ADAMTS3: variants seen among roughly 807,000 people sequenced by gnomAD.
The protein encoded by ADAMTS3 is ADAM metallopeptidase with thrombospondin type 1 motif 3.
ADAMTS3 carries 73 observed loss-of-function variants against 129.0 expected under a neutral mutation model. That is an observed-to-expected ratio of 0.57 (90% CI 0.47 to 0.69). ADAMTS3 has a LOEUF of 0.69. Among genes scored for constraint, ADAMTS3 ranks in the 30% least tolerant of loss-of-function variants. The pLI, the probability that ADAMTS3 is intolerant of heterozygous loss-of-function variation, is 0.00. For missense variants in ADAMTS3, 1,457 were observed against 1,514.5 expected, an observed-to-expected ratio of 0.96 and a Z score of 0.63; for synonymous variants, 477 against 510.8, an observed-to-expected ratio of 0.93 and a Z score of 0.89.
intron 3 of ADAMTS3, among the ~76,000 whole-genome samples, chr4:72,466,345 T>C (rs893081777): frequency 2.0e-5 from 3 of 152,056 alleles, no homozygotes; most frequent in African/African-American, 7.2e-5. Flanking sequence ...GTTTGGATTG[T>C]ATTCTTGAAT....
intron 3 of ADAMTS3, among the ~76,000 whole-genome samples, chr4:72,459,121 C>T (rs1347919971): frequency 6.6e-6 from 1 of 151,466 alleles, no homozygotes; most frequent in Admixed American, 6.6e-5. Context: ...ATGTTTGGGG[C>T]CATAATCAAG....
In ADAMTS3 at chr4:72,315,841, T is replaced by A; in HGVS notation, c.1599+17A>T. On this transcript the variant is annotated intron_variant, in intron 11 of 21. Transcript: ENST00000286657. ...CAACATATCTTACATATTTATTGTGTAAATAGATATACTCACTTTTCCAGC... is the reference window on the plus strand; with the variant it reads ...CAACATATCTTACATATTTATTGTGAAAATAGATATACTCACTTTTCCAGC... 6.8e-7 allele frequency: 1 copy of A among 1,465,732 alleles called. No individual in the cohort carries two copies. Among genetic ancestry groups the A allele is most frequent in the Non-Finnish European group, 9.5e-7 (1 of 1,050,530 alleles). 90.8% of individuals were successfully genotyped at this position (1,465,732 alleles called of 1,614,324 possible). A position where few individuals can be genotyped will look rare whatever the true frequency, so the allele number is the denominator to read the frequency against.
chr4:72,290,870 T>C lies in ADAMTS3; in HGVS notation c.2916A>G (p.Thr972=). Reference sequence around the variant, plus strand: ...ACACACCTACCTCACTCCAGGGTCCTGTTTTCCACTGTGCAGGGCAGGGCA... The same window carrying C: ...ACACACCTACCTCACTCCAGGGTCCCGTTTTCCACTGTGCAGGGCAGGGCA... ...NRVPCPAQWK[T]GPWSECSVTC... The change falls in exon 20 of 22, where the codon ACA becomes ACG. Residue 972 remains threonine, a synonymous_variant. Coordinates refer to ENST00000286657, the MANE Select transcript of ADAMTS3 (RefSeq NM_014243.3). 6.2e-7 allele frequency: 1 copy of C among 1,613,934 alleles called. No homozygotes were observed. Among genetic ancestry groups the C allele is most frequent in the South Asian group, 1.1e-5 (1 of 91,078 alleles).
intron 19 of ADAMTS3, among the ~76,000 whole-genome samples, chr4:72,292,278 C>T (rs773480049): frequency 5.3e-5 from 8 of 152,124 alleles, no homozygotes; most frequent in African/African-American, 1.7e-4. Context: ...CTGGGTTGGA[C>T]GAGGGCACAT....
At chr4:72,505,459 A>G (rs907946400) in intron 3 of ADAMTS3, among the ~76,000 whole-genome samples, 1 of 152,194 alleles carries the variant, frequency 6.6e-6, no homozygotes, top group Non-Finnish European at 1.5e-5. Context: ...GGCAGGGTAT[A>G]TGCTTGATCC....
At chr4:72,320,243 A>C (rs1719517568) in intron 7 of ADAMTS3, among the ~76,000 whole-genome samples, 1 of 152,172 alleles carries the variant, frequency 6.6e-6, no homozygotes, top group African/African-American at 2.4e-5. Flanking sequence ...TTTCTGTTTT[A>C]GTAAATGGTC....
intron 20 of ADAMTS3, 56 bp downstream of exon 20, chr4:72,290,799 C>T: frequency 6.4e-7 from 1 of 1,552,966 alleles, no homozygotes; most frequent in South Asian, 1.1e-5. Context: ...ATTAAAATAT[C>T]TACACATGCT....
At chr4:72,453,991 A>AT (rs36114335) in intron 3 of ADAMTS3, among the ~76,000 whole-genome samples, 93,697 of 150,364 alleles carry the variant, frequency 0.62, 29,849 homozygotes, top group South Asian at 0.8. Context: ...AACTGGATAG[A>AT]TTTTGACTGT....
At chr4:72,428,995 C>G (rs752195499) in intron 3 of ADAMTS3, among the ~76,000 whole-genome samples, 16 of 152,006 alleles carry the variant, frequency 1.1e-4, no homozygotes, top group Non-Finnish European at 2.2e-4. Context: ...AGGTCCCAAC[C>G]TCAGAGACTT....
At chr4:72,417,802 A>G (rs1282882108) in intron 3 of ADAMTS3, among the ~76,000 whole-genome samples, 1 of 151,468 alleles carries the variant, frequency 6.6e-6, no homozygotes, top group African/African-American at 2.4e-5. Flanking sequence ...GCGTGGTGGC[A>G]GGCGCCTGTA....
chr4:72,408,226 C>A (rs528814065), intron 4 of ADAMTS3, among the ~76,000 whole-genome samples: 2 of 151,986 alleles, frequency 1.3e-5, no homozygotes, highest in African/African-American at 4.8e-5. Flanking sequence ...CCCACATTTT[C>A]TTTTTCTTTA....
intron 4 of ADAMTS3, among the ~76,000 whole-genome samples, chr4:72,396,759 A>G (rs978573488): frequency 4.6e-5 from 7 of 152,178 alleles, no homozygotes; most frequent in Non-Finnish European, 1.0e-4. Flanking sequence ...GGATTTACAA[A>G]AGTACTAAGT....
chr4:72,446,842 A>G (rs910770059), intron 3 of ADAMTS3, among the ~76,000 whole-genome samples: 2 of 151,630 alleles, frequency 1.3e-5, no homozygotes, highest in Non-Finnish European at 1.5e-5. Flanking sequence ...TCCCTTCTCT[A>G]GTTTGGCTGA....
At chr4:72,405,342 T>A (rs554123304) in intron 4 of ADAMTS3, among the ~76,000 whole-genome samples, 1 of 152,088 alleles carries the variant, frequency 6.6e-6, no homozygotes, top group Non-Finnish European at 1.5e-5. Flanking sequence ...TATATATACA[T>A]GGAATATTAT....
intron 3 of ADAMTS3, among the ~76,000 whole-genome samples, chr4:72,433,088 CT>C (rs1202574055): frequency 1.3e-5 from 2 of 151,984 alleles, no homozygotes; most frequent in East Asian, 3.9e-4. Flanking sequence ...AATATGCTGA[CT>C]TTTTTTCCCG....
intron 3 of ADAMTS3, among the ~76,000 whole-genome samples, chr4:72,466,885 T>G (rs981637166): frequency 6.6e-6 from 1 of 152,080 alleles, no homozygotes; most frequent in Non-Finnish European, 1.5e-5. Context: ...GTTCCAGCTA[T>G]GCGGTCTTAG....
intron 6 of ADAMTS3, 74 bp from the exon 7 acceptor site, chr4:72,320,944 C>T (rs1719538154): frequency 2.7e-6 from 4 of 1,464,834 alleles, no homozygotes; most frequent in East Asian, 4.6e-5. Context: ...TCCTCTGAAG[C>T]TGAATTTGGG....
intron 3 of ADAMTS3, among the ~76,000 whole-genome samples, chr4:72,459,715 A>G (rs1332715970): frequency 2.6e-5 from 4 of 151,590 alleles, no homozygotes; most frequent in African/African-American, 9.7e-5. Context: ...TAACCAGGGA[A>G]AGGTTTGAGT....
intron 18 of ADAMTS3, among the ~76,000 whole-genome samples, chr4:72,296,135 C>T (rs1718801357): frequency 6.6e-6 from 1 of 151,882 alleles, no homozygotes; most frequent in Admixed American, 6.6e-5. Flanking sequence ...CAGTAGAGGG[C>T]ACCAAAGGAA....
Sources: allele counts gnomAD v4.1 joint callset (sites outside exome capture counted in the v4.1 genomes callset), GRCh38; gene constraint gnomAD v4.1.1; transcripts MANE v1.5; gene names NCBI Gene and HGNC (gene_info 2026-07-23, HGNC 2026-07-21).